The following CHN2 variants were observed in gnomAD, a reference collection of about 807,000 sequenced individuals.
The protein encoded by CHN2 is beta-chimaerin.
CHN2 carries 35 observed loss-of-function variants against 56.3 expected under a neutral mutation model. The ratio of observed to expected loss-of-function variants is 0.62; its 90% CI spans 0.47 to 0.82. The LOEUF (loss-of-function observed/expected upper bound fraction) is 0.82, where lower values mean the gene tolerates loss of function less well. Ranked by LOEUF, CHN2 falls within the 40% of genes least tolerant of loss-of-function variation. CHN2 has a pLI of 0.00. For synonymous variants in CHN2, 210 were observed against 212.8 expected, an observed-to-expected ratio of 0.99 and a Z score of 0.12; for missense variants, 491 against 580.5, an observed-to-expected ratio of 0.85 and a Z score of 1.58.
At chr7:29,472,272 TACACAC>T (rs113034467) in intron 6 of CHN2, among the ~76,000 whole-genome samples, 5,601 of 112,286 alleles carry the variant, frequency 0.05, 304 homozygotes, top group African/African-American at 0.13. Context: ...CAAAACAAAA[TACACAC>T]ACACACACAC....
chr7:29,437,597 C>CAAAAAAAAAAAA (rs11436612), intron 6 of CHN2, among the ~76,000 whole-genome samples: 3 of 52,622 alleles, frequency 5.7e-5, no homozygotes, highest in Non-Finnish European at 1.1e-4. Flanking sequence ...GACTCCGTCT[C>CAAAAAAAAAAAA]AAAAAAAAAA....
chr7:29,229,978 A>AAAATAAATAAATAAAT (rs3046854), intron 1 of CHN2, among the ~76,000 whole-genome samples: 1 of 149,652 alleles, frequency 6.7e-6, no homozygotes, highest in African/African-American at 2.5e-5. Flanking sequence ...CCCTGTCTCA[A>AAAATAAATAAATAAAT]AAATAAATAA....
chr7:29,197,878 T>G (rs956796848), intron 1 of CHN2: 1 of 455,750 alleles, frequency 2.2e-6, no homozygotes, highest in Non-Finnish European at 4.4e-6. Flanking sequence ...AGTGGAAATG[T>G]CATATGAGTT....
chr7:29,441,179 C>T (rs1030671554), intron 6 of CHN2, among the ~76,000 whole-genome samples: 1 of 152,002 alleles, frequency 6.6e-6, no homozygotes, highest in Non-Finnish European at 1.5e-5. Context: ...TGATTTTTGA[C>T]AAGGATGCCA....
At chr7:29,452,011 G>A (rs1784442792) in intron 6 of CHN2, among the ~76,000 whole-genome samples, 1 of 152,228 alleles carries the variant, frequency 6.6e-6, no homozygotes, top group South Asian at 2.1e-4. Context: ...GGTCCTTAGG[G>A]TCCTGGGCAG....
At chr7:29,481,980 T>C (rs1444486734) in intron 7 of CHN2, among the ~76,000 whole-genome samples, 2 of 152,224 alleles carry the variant, frequency 1.3e-5, no homozygotes, top group African/African-American at 4.8e-5. Flanking sequence ...TTTTCAAAAC[T>C]AATTTCAGTC....
intron 1 of CHN2, among the ~76,000 whole-genome samples, chr7:29,273,395 A>C (rs1790912348): frequency 8.2e-6 from 1 of 121,558 alleles, no homozygotes; most frequent in Admixed American, 8.1e-5. Context: ...ATATACACAC[A>C]CCACATTTTC....
intron 1 of CHN2, among the ~76,000 whole-genome samples, chr7:29,216,594 C>T (rs960270803): frequency 1.3e-5 from 2 of 152,212 alleles, no homozygotes; most frequent in African/African-American, 4.8e-5. Flanking sequence ...CTGAGCTCTT[C>T]TCTCTCCCCA....
At chr7:29,274,710 C>T (rs1194360768) in intron 1 of CHN2, among the ~76,000 whole-genome samples, 3 of 151,184 alleles carry the variant, frequency 2.0e-5, no homozygotes, top group East Asian at 1.9e-4. Context: ...GCTATTAAAA[C>T]AAACAAAACA....
intron 1 of CHN2, among the ~76,000 whole-genome samples, chr7:29,234,611 TGCTCATCAAAGC>T (rs1380235070): frequency 6.6e-6 from 1 of 152,192 alleles, no homozygotes; most frequent in Non-Finnish European, 1.5e-5. Flanking sequence ...GCTTTGTGAA[TGCTCATCAAAGC>T]TACATGGTAA....
At chr7:29,258,830 A>G (rs945741001) in intron 1 of CHN2, among the ~76,000 whole-genome samples, 4 of 152,218 alleles carry the variant, frequency 2.6e-5, no homozygotes, top group African/African-American at 9.6e-5. Flanking sequence ...GGAATTTGGC[A>G]TCATCTAACA....
intron 1 of CHN2, among the ~76,000 whole-genome samples, chr7:29,272,843 G>GAT (rs1322010281): frequency 8.6e-5 from 13 of 152,032 alleles, no homozygotes; most frequent in Non-Finnish European, 1.0e-4. Context: ...GATATTATAG[G>GAT]ATATATATAG....
chr7:29,485,909 T>C (rs1337390645), intron 7 of CHN2, among the ~76,000 whole-genome samples: 1 of 152,022 alleles, frequency 6.6e-6, no homozygotes, highest in Non-Finnish European at 1.5e-5. Flanking sequence ...CCCACCCCCA[T>C]GCACTTCCAG....
At position 29,404,232 on chromosome 7, in the gene CHN2, C is replaced by T. The variant is rs547278538; in HGVS notation, c.576+3404C>T. Among the ~76,000 whole-genome samples, 3 of 152,252 alleles carry T rather than the reference C, an allele frequency of 2.0e-5. No individual in the cohort carries two copies. In the East Asian group the frequency reaches 5.8e-4, roughly 29 times the overall value. ...ACATGATCTGTTTCTGAAAACAGAT[C>T]ATGTAAGCAGAAAACTGCTATTACG... On this transcript the variant is annotated intron_variant, in intron 6 of 12. Coordinates refer to ENST00000222792, the MANE Select transcript of CHN2 (RefSeq NM_004067.4).
chr7:29,455,181 C>A (rs1784661714), intron 6 of CHN2, among the ~76,000 whole-genome samples: 3 of 152,124 alleles, frequency 2.0e-5, no homozygotes, highest in Non-Finnish European at 4.4e-5. Context: ...CCAATTCCAG[C>A]ACACCACTAA....
rs200676085 is a variant in CHN2 at position 29,430,409 on chromosome 7, C to G, written c.576+29581C>G. Among the ~76,000 whole-genome samples, 3 of 152,154 alleles carry G rather than the reference C, an allele frequency of 2.0e-5. No individual in the cohort carries two copies. In the East Asian group the frequency reaches 5.8e-4, roughly 29 times the overall value. Reference sequence around the variant, plus strand: ...AGAATGATTCTAGAATCAGGCAGTCCCTAGAACCAGAATAGGTTCTGAGTG... The same window carrying G: ...AGAATGATTCTAGAATCAGGCAGTCGCTAGAACCAGAATAGGTTCTGAGTG... On this transcript the variant is annotated intron_variant, in intron 6 of 12. Coordinates refer to ENST00000222792, the MANE Select transcript of CHN2 (RefSeq NM_004067.4).
chr7:29,354,115 A>G (rs1037991186), intron 1 of CHN2, among the ~76,000 whole-genome samples: 3 of 152,228 alleles, frequency 2.0e-5, no homozygotes, highest in East Asian at 3.8e-4. Context: ...TGCAATTCCA[A>G]TGGAATCATC....
intron 6 of CHN2, among the ~76,000 whole-genome samples, chr7:29,404,772 C>T (rs1802495486): frequency 6.6e-6 from 1 of 151,962 alleles, no homozygotes; most frequent in Non-Finnish European, 1.5e-5. Flanking sequence ...ACTTTATTGC[C>T]CAGGCTGGTC....
At chr7:29,475,315 G>A (rs4722909) in intron 6 of CHN2, among the ~76,000 whole-genome samples, 88,004 of 152,006 alleles carry the variant, frequency 0.58, 25,601 homozygotes, top group Non-Finnish European at 0.61. Context: ...TATCTTAAGT[G>A]GTACCTGCTT....
Sources: allele counts gnomAD v4.1 joint callset (sites outside exome capture counted in the v4.1 genomes callset), GRCh38; gene constraint gnomAD v4.1.1; transcripts MANE v1.5; gene names NCBI Gene and HGNC (gene_info 2026-07-23, HGNC 2026-07-21).